Variants in RBPJ observed in about 807,000 individuals in gnomAD.
RBPJ encodes the protein recombining binding protein suppressor of hairless.
A neutral mutation model predicts 67.8 loss-of-function variants in RBPJ; 9 were observed. The observed-to-expected ratio is 0.13, with a 90% CI of 0.08 to 0.23. RBPJ has a LOEUF of 0.23. Ranked by LOEUF, RBPJ falls within the 10% of genes least tolerant of loss-of-function variation. The pLI, the probability that RBPJ is intolerant of heterozygous loss-of-function variation, is 1.00. For missense variants in RBPJ, 305 were observed against 595.6 expected, an observed-to-expected ratio of 0.51 and a Z score of 5.08; for synonymous variants, 198 against 203.3, an observed-to-expected ratio of 0.97 and a Z score of 0.22.
chr4:26,137,873 C>G, the RBPJ span, among the ~76,000 whole-genome samples: 5 of 152,314 alleles, frequency 3.3e-5, no homozygotes, highest in East Asian at 5.8e-4. Context: ...GCCCTGCCCC[C>G]CTTCAGGGAC....
At chr4:26,221,943 G>C (rs1036810709) in intron 1 of RBPJ, among the ~76,000 whole-genome samples, 1 of 152,192 alleles carries the variant, frequency 6.6e-6, no homozygotes, top group African/African-American at 2.4e-5. Flanking sequence ...AGGGCGGTGA[G>C]AGGGATGGGG....
intron 2 of RBPJ, among the ~76,000 whole-genome samples, chr4:26,391,460 A>AC (rs902657035): frequency 1.3e-5 from 2 of 151,876 alleles, no homozygotes; most frequent in African/African-American, 4.8e-5. Flanking sequence ...CCTTCAACCC[A>AC]CCCCCCACAC....
chr4:26,156,574 C>G, the RBPJ span, among the ~76,000 whole-genome samples: 1 of 151,576 alleles, frequency 6.6e-6, no homozygotes. Flanking sequence ...GCCCACCACT[C>G]ATGTCCAGCT....
intron 1 of RBPJ, among the ~76,000 whole-genome samples, chr4:26,224,588 C>T (rs1032548845): frequency 6.6e-6 from 1 of 152,084 alleles, no homozygotes; most frequent in Non-Finnish European, 1.5e-5. Context: ...GAACTCCTGA[C>T]CTCAAGAGAT....
rs112230142 is a variant in RBPJ at position 26,202,493 on chromosome 4, C to T, written c.-167+38879C>T. The stretch of plus-strand genomic sequence containing the variant: ...CACTCTTTCCTATCTCAATAAATGA[C>T]GATTTCATTGGCACTGTTTGCTTAG... On this transcript the variant is annotated intron_variant, in intron 1 of 4. Transcript: ENST00000512351. Among the ~76,000 whole-genome samples the T allele has an allele frequency of 8.7e-3, 1,320 of 151,362 alleles. 19 individuals are homozygous for T. Among genetic ancestry groups the T allele is most frequent in the African/African-American group, 0.03 (1,235 of 41,228 alleles).
chr4:26,316,126 A>T (rs534553827), upstream of RBPJ, among the ~76,000 whole-genome samples: 1 of 152,166 alleles, frequency 6.6e-6, no homozygotes, highest in African/African-American at 2.4e-5. Context: ...TAAGACAGGC[A>T]TAAGAAATTA....
chr4:26,358,610 CAAAAAAAAA>C (rs771623602), intron 1 of RBPJ, among the ~76,000 whole-genome samples: 71 of 43,128 alleles, frequency 1.6e-3, no homozygotes, highest in Non-Finnish European at 3.0e-3. Context: ...CCCATCTCTG[CAAAAAAAAA>C]AAAAAAAAAA....
At chr4:26,282,117 C>G (rs995159718) in intron 1 of RBPJ, among the ~76,000 whole-genome samples, 1 of 140,876 alleles carries the variant, frequency 7.1e-6, no homozygotes, top group South Asian at 2.3e-4. Flanking sequence ...TGCCTTCATT[C>G]GTAATCCTCT....
At chr4:26,215,822 C>T (rs1274147742) in intron 1 of RBPJ, among the ~76,000 whole-genome samples, 3 of 152,232 alleles carry the variant, frequency 2.0e-5, no homozygotes, top group East Asian at 3.9e-4. Flanking sequence ...ATCCCTCTCA[C>T]CTCCTTGCCA....
chr4:26,349,160 G>A (rs1195610346), intron 1 of RBPJ, among the ~76,000 whole-genome samples: 1 of 151,922 alleles, frequency 6.6e-6, no homozygotes. Flanking sequence ...CTTGACCCCG[G>A]GGGCTCAAGC....
chr4:26,361,668 C>A (rs1469178331), intron 1 of RBPJ, among the ~76,000 whole-genome samples: 3 of 152,054 alleles, frequency 2.0e-5, no homozygotes, highest in Non-Finnish European at 4.4e-5. Flanking sequence ...ATTTATTGAT[C>A]AGTTATCAGT....
At chr4:26,361,510 C>T (rs1253269063) in intron 1 of RBPJ, among the ~76,000 whole-genome samples, 3 of 152,012 alleles carry the variant, frequency 2.0e-5, no homozygotes, top group Non-Finnish European at 2.9e-5. Context: ...CAAGCTGTTC[C>T]ACATGCCTAG....
At chr4:26,252,201 A>G (rs952772048) in intron 1 of RBPJ, among the ~76,000 whole-genome samples, 8 of 152,008 alleles carry the variant, frequency 5.3e-5, no homozygotes, top group African/African-American at 9.7e-5. Context: ...TTTTGTACCC[A>G]TTAAGTAATT....
the RBPJ span, among the ~76,000 whole-genome samples, chr4:26,129,173 A>T: frequency 1.3e-5 from 2 of 152,214 alleles, no homozygotes; most frequent in Non-Finnish European, 2.9e-5. Flanking sequence ...CATTTTACAG[A>T]TAAGAAAATG....
chr4:26,159,165 G>A (rs1716032416), upstream of RBPJ, among the ~76,000 whole-genome samples: 1 of 152,156 alleles, frequency 6.6e-6, no homozygotes. Flanking sequence ...AAGAAGGTAG[G>A]AGATACTCAT....
At chr4:26,292,689 C>T (rs916493202) in intron 1 of RBPJ, among the ~76,000 whole-genome samples, 1 of 150,152 alleles carries the variant, frequency 6.7e-6, no homozygotes, top group Non-Finnish European at 1.5e-5. Flanking sequence ...CCCAAATTGC[C>T]GGGATTACAG....
At chr4:26,363,198 G>GGCAC (rs1298744928) in intron 1 of RBPJ, among the ~76,000 whole-genome samples, 8 of 152,226 alleles carry the variant, frequency 5.3e-5, no homozygotes, top group African/African-American at 1.9e-4. Context: ...GGAGTGCAGT[G>GGCAC]GCACTATCTC....
At chr4:26,298,706 T>C (rs1721968267) in intron 1 of RBPJ, among the ~76,000 whole-genome samples, 1 of 152,226 alleles carries the variant, frequency 6.6e-6, no homozygotes, top group African/African-American at 2.4e-5. Context: ...CTTTAGCACA[T>C]TAGTTTGGTA....
chr4:26,321,155 G>A lies in RBPJ; in HGVS notation c.20+107G>A, dbSNP rs1183569610. ...GCCGCGGCGCGCTTGGCGTTCGGGG[G>A]CCCGCGGGGGCGGCGTCGCGTGCGC... is the stretch of plus-strand genomic sequence containing the variant. On this transcript the variant is annotated intron_variant, in intron 1 of 10. Coordinates refer to ENST00000355476, the MANE Select transcript of RBPJ (RefSeq NM_015874.6). 2.7e-5 allele frequency: 17 copies of A among 631,776 alleles called. No homozygotes were observed. The South Asian group carries it at 4.8e-4, about 18-fold the overall frequency. 39.1% of individuals were successfully genotyped at this position (631,776 alleles called of 1,614,324 possible).
Sources: allele counts gnomAD v4.1 joint callset (sites outside exome capture counted in the v4.1 genomes callset), GRCh38; gene constraint gnomAD v4.1.1; transcripts MANE v1.5; gene names NCBI Gene and HGNC (gene_info 2026-07-23, HGNC 2026-07-21).